The following USP35 variants were observed in gnomAD, a reference collection of about 807,000 sequenced individuals.
USP35 encodes the protein ubiquitin carboxyl-terminal hydrolase 35.
In USP35, 69 loss-of-function variants were observed where a neutral mutation model predicts 83.8. The observed-to-expected ratio is 0.82, with a 90% CI of 0.68 to 1.01. USP35 has a LOEUF of 1.01. Ranked by LOEUF, USP35 falls within the 50% of genes least tolerant of loss-of-function variation. The pLI is 0.00. For missense variants in USP35, 1,503 were observed against 1,362.5 expected (o/e 1.10, Z -1.62); for synonymous variants, 714 against 589.5 (o/e 1.21, Z -3.06).
Position 78,213,892 on chromosome 11 carries a change from C to G in USP35, c.*79C>G. On this transcript the variant is annotated 3_prime_UTR_variant, in exon 11 of 11. Coordinates refer to ENST00000529308, the MANE Select transcript of USP35 (RefSeq NM_020798.4). Reference sequence around the variant, plus strand: ...AGGGAAGCTGTGGAGGCAGGCCCTACCAAGAGGAAGGATGGTACAGCTCAT... The same window carrying G: ...AGGGAAGCTGTGGAGGCAGGCCCTAGCAAGAGGAAGGATGGTACAGCTCAT... 3.4e-6 allele frequency: 5 copies of G among 1,489,138 alleles called. No individual in the cohort carries two copies. Among genetic ancestry groups the G allele is most frequent in the Non-Finnish European group, 3.6e-6 (4 of 1,123,588 alleles). The allele number at this position is 1,489,138 out of a possible 1,614,324, so 92.2% of individuals were successfully genotyped here.
rs1455663948 is a variant in USP35 at position 78,198,077 on chromosome 11, C to G, written c.806+9C>G. On this transcript the variant is annotated intron_variant, in intron 3 of 10. Transcript: ENST00000529308. The stretch of plus-strand genomic sequence containing the variant: ...CTGACTGCCATTAGCAGGTGGGACG[C>G]TGAGGCTGAGCCATGATCAGGGCTG... 6.2e-7 allele frequency: 1 copy of G among 1,614,064 alleles called. No homozygotes were observed. Among genetic ancestry groups the G allele is most frequent in the East Asian group, 2.2e-5 (1 of 44,884 alleles).
At chr11:78,220,886 A>T in the USP35 span, among the ~76,000 whole-genome samples, 3 of 152,134 alleles carry the variant, frequency 2.0e-5, no homozygotes, top group South Asian at 2.1e-4. Flanking sequence ...TATGCACTGG[A>T]AAGTTTTCTT....
chr11:78,232,025 A>T, the USP35 span: 1 of 152,236 alleles, frequency 6.6e-6, no homozygotes, highest in African/African-American at 2.4e-5. Context: ...CAATCTTTGT[A>T]TCTCAAACCC....
chr11:78,203,404 C>A (rs1424325332), intron 6 of USP35, among the ~76,000 whole-genome samples: 1 of 152,104 alleles, frequency 6.6e-6, no homozygotes, highest in Admixed American at 6.5e-5. Flanking sequence ...AACTAGGTTG[C>A]ACCACTCGGC....
chr11:78,226,932 C>A, the USP35 span: 2 of 1,613,902 alleles, frequency 1.2e-6, no homozygotes, highest in African/African-American at 1.3e-5. Flanking sequence ...GCTATAGAAG[C>A]CATGGACTTG....
Position 78,205,922 on chromosome 11 carries a change from G to A in USP35, c.1278G>A (p.Ala426=), listed in dbSNP as rs765736914. 8.1e-6 allele frequency: 13 copies of A among 1,614,146 alleles called. No individual in the cohort carries two copies. The Admixed American group carries it at 1.2e-4, about 14-fold the overall frequency. Residue 426 remains alanine, a synonymous_variant, in exon 7 of 11, where the codon GCG becomes GCA. Transcript: ENST00000529308. ...DAWTSQKSEL[A]GFYPRLMAKS... The stretch of plus-strand genomic sequence containing the variant: ...GGACTTCGCAGAAGAGCGAGCTGGC[G>A]GGTTTCTATCCCCGGCTCATGGCCA...
In USP35 at chr11:78,213,821, C is replaced by T. The variant is rs1590923701; in HGVS notation, c.*8C>T. 2 of 1,550,360 alleles carry T rather than the reference C, an allele frequency of 1.3e-6. 1 individual carries two copies. Among genetic ancestry groups the T allele is most frequent in the South Asian group, 2.5e-5 (2 of 80,296 alleles). ...CACAGACTGGTCTTCTAATGTGAAC[C>T]TGCTGCCAACCTGACCCCTTCCCTC... On this transcript the variant is annotated 3_prime_UTR_variant, in exon 11 of 11. Coordinates refer to ENST00000529308, the MANE Select transcript of USP35 (RefSeq NM_020798.4).
chr11:78,193,323 C>G (rs1369543774), intron 1 of USP35, among the ~76,000 whole-genome samples: 1 of 151,878 alleles, frequency 6.6e-6, no homozygotes, highest in Non-Finnish European at 1.5e-5. Context: ...CCCCAACTAG[C>G]TGGGACTGCA....
rs551443747 is a variant in USP35 at position 78,207,590 on chromosome 11, G to T, written c.1452G>T (p.Leu484=). The change falls in exon 8 of 11, where the codon CTG becomes CTT. Residue 484 remains leucine (L), a synonymous_variant. Coordinates refer to ENST00000529308, the MANE Select transcript of USP35 (RefSeq NM_020798.4). The part of the protein sequence containing the change: ...ENNSQPLMTK[L]QWLFGFLEHS... ...ACTCACAGCCCCTGATGACCAAGCT[G>T]CAGTGGCTCTTTGGCTTCCTAGAAC... 6.2e-7 allele frequency: 1 copy of T among 1,614,138 alleles called. No individual in the cohort carries two copies. Among genetic ancestry groups the T allele is most frequent in the Non-Finnish European group, 8.5e-7 (1 of 1,180,022 alleles).
At chr11:78,207,337 C>G in intron 7 of USP35, 193 bp from the exon 8 acceptor site, 1 of 588,450 alleles carries the variant, frequency 1.7e-6, no homozygotes. Context: ...TTGTTGTGTT[C>G]CTGACCTCAG....
intron 1 of USP35, among the ~76,000 whole-genome samples, chr11:78,195,853 C>G (rs1863125445): frequency 6.6e-6 from 1 of 152,166 alleles, no homozygotes; most frequent in Non-Finnish European, 1.5e-5. Flanking sequence ...ACTTCAGCCT[C>G]CAGAGTAGCT....
intron 3 of USP35, chr11:78,198,768 A>AC (rs1205535869): frequency 1.1e-6 from 1 of 913,822 alleles, no homozygotes; most frequent in Non-Finnish European, 1.3e-6. Flanking sequence ...TGCCTGTGCG[A>AC]CCTTGGACAA....
intron 6 of USP35, among the ~76,000 whole-genome samples, chr11:78,204,344 G>A (rs12284199): frequency 0.016 from 2,482 of 152,266 alleles, 76 homozygotes; most frequent in African/African-American, 0.058. Flanking sequence ...ACATCCTTTT[G>A]TACATATGCC....
intron 10 of USP35, 90 bp from the exon 11 acceptor site, chr11:78,213,556 G>C (rs1030326496): frequency 2.2e-6 from 3 of 1,374,958 alleles, no homozygotes; most frequent in Middle Eastern, 1.9e-4. Flanking sequence ...GGACCTAGAG[G>C]AAACATTGAA....
chr11:78,210,368 C>G lies in USP35; in HGVS notation c.2513C>G (p.Ala838Gly). The G allele has an allele frequency of 6.2e-7, 1 of 1,613,632 alleles. No individual in the cohort carries two copies. The highest frequency in any genetic ancestry group is 1.7e-5 in the Admixed American group (1 of 60,034). Residue 838 changes from alanine to glycine, a missense_variant, in exon 10 of 11, where the codon GCT (alanine) becomes GGT (glycine). Physicochemically the swap from Ala to Gly is moderately conservative, Grantham distance 60. Coordinates refer to ENST00000529308, the MANE Select transcript of USP35 (RefSeq NM_020798.4). ...CCCCTGCTGCTCCGCCTGCCACTGG[C>G]TGGTGGCCGTGGCCAGGCCTATGAC... ...SIPLLLRLPL[A>G]GGRGQAYDLC...
Position 78,199,662 on chromosome 11 carries a change from G to A in USP35, c.874G>A (p.Gly292Ser), listed in dbSNP as rs1475131160. 6.2e-7 allele frequency: 1 copy of A among 1,614,230 alleles called. No individual in the cohort carries two copies. Among genetic ancestry groups the A allele is most frequent in the Non-Finnish European group, 8.5e-7 (1 of 1,180,032 alleles). Residue 292 changes from glycine to serine, a missense_variant, in exon 4 of 11, where the codon GGC becomes AGC. Physicochemically the swap from Gly to Ser is moderately conservative, Grantham distance 56 (BLOSUM62 0). Coordinates refer to ENST00000529308, the MANE Select transcript of USP35 (RefSeq NM_020798.4). ...CAAGTGGATCATTGCACTGCTGAAG[G>A]GCCTGGCTGCTGTTAAGAAGTTCAG... Reference protein sequence around the residue: ...IDKWIIALLKGLAAVKKFSIL... With the variant: ...IDKWIIALLKSLAAVKKFSIL...
downstream of USP35, chr11:78,215,837 G>C (rs1181707829): frequency 6.5e-6 from 1 of 152,694 alleles, no homozygotes. Flanking sequence ...TGAAGGCCCA[G>C]ATGGGGAAGG....
At position 78,200,720 on chromosome 11, in the gene USP35, T is replaced by A; in HGVS notation, c.1109T>A (p.Leu370Gln). The change falls in exon 6 of 11, where the codon CTG becomes CAG. Residue 370 changes from leucine to glutamine, a missense_variant. Transcript: ENST00000529308. Reference protein sequence around the residue: ...KEDSNSGTSCLEQLAELVHCM... With the variant: ...KEDSNSGTSCQEQLAELVHCM... ...GACTCGAACTCGGGGACCAGCTGCC[T>A]GGAGCAGCTGGCGGAGCTGGTCCAC... The A allele has an allele frequency of 6.2e-7, 1 of 1,614,120 alleles. No homozygotes were observed. The highest frequency in any genetic ancestry group is 8.5e-7 in the Non-Finnish European group (1 of 1,179,960).
At position 78,210,037 on chromosome 11, in the gene USP35, G is replaced by C; in HGVS notation, c.2182G>C (p.Glu728Gln). 6.2e-7 allele frequency: 1 copy of C among 1,613,834 alleles called. No homozygotes were observed. The highest frequency in any genetic ancestry group is 8.5e-7 in the Non-Finnish European group (1 of 1,179,870). ...GGAGAAGGAGACAGAAAAGGAGGCTGAGCAGGAAAAGGAAGAAGACAGCCT... is the reference window on the plus strand; with the variant it reads ...GGAGAAGGAGACAGAAAAGGAGGCTCAGCAGGAAAAGGAAGAAGACAGCCT... ...KVEKETEKEA[E>Q]QEKEEDSLGA... Residue 728 changes from glutamate (E) to glutamine (Q), a missense_variant, in exon 10 of 11, where the codon GAG becomes CAG. By Grantham distance (29) the Glu-to-Gln change is conservative (BLOSUM62 2). Coordinates refer to ENST00000529308, the MANE Select transcript of USP35 (RefSeq NM_020798.4).
Sources: gnomAD v4.1 joint callset for allele counts (sites outside exome capture counted in the v4.1 genomes callset) on GRCh38, gnomAD v4.1.1 for gene constraint, MANE v1.5 for transcripts, NCBI Gene and HGNC (gene_info 2026-07-23, HGNC 2026-07-21) for gene names.